ST18: variants seen among roughly 807,000 people sequenced by gnomAD.
The protein encoded by ST18 is suppression of tumorigenicity 18 protein.
ST18 carries 50 observed loss-of-function variants against 110.0 expected under a neutral mutation model. The ratio of observed to expected loss-of-function variants is 0.45; its 90% confidence interval spans 0.36 to 0.58. ST18 has a LOEUF of 0.58. Ranked by LOEUF, ST18 falls within the 20% of genes least tolerant of loss-of-function variation. ST18 has a pLI of 0.00. For missense variants in ST18, 1,306 were observed against 1,280.1 expected, an observed-to-expected ratio of 1.02 and a Z score of -0.31; for synonymous variants, 461 against 452.4, an observed-to-expected ratio of 1.02 and a Z score of -0.24.
chr8:52,405,616 G>C (rs1159755458), intron 2 of ST18: 1 of 152,038 alleles, frequency 6.6e-6, no homozygotes, highest in East Asian at 1.9e-4. Context: ...AATAACACAA[G>C]GATTATTCAA....
chr8:52,381,251 C>A (rs1834404870), intron 2 of ST18, among the ~76,000 whole-genome samples: 1 of 152,138 alleles, frequency 6.6e-6, no homozygotes, highest in Admixed American at 6.6e-5. Flanking sequence ...ATACTTAGCT[C>A]CTATCCAGTG....
At chr8:52,194,227 G>C (rs764784342) in intron 8 of ST18, 17 of 152,234 alleles carry the variant, frequency 1.1e-4, no homozygotes, top group African/African-American at 3.6e-4. Flanking sequence ...CCTCTGAATC[G>C]TGAGGTAATA....
intron 2 of ST18, among the ~76,000 whole-genome samples, chr8:52,236,140 A>G (rs2092630602): frequency 6.6e-6 from 1 of 152,212 alleles, no homozygotes; most frequent in Non-Finnish European, 1.5e-5. Context: ...CATGAATCAG[A>G]GGAGGCTTCC....
intron 17 of ST18, 66 bp from the exon 18 acceptor site, chr8:52,137,549 T>G: frequency 6.5e-7 from 1 of 1,538,044 alleles, no homozygotes. Flanking sequence ...CTCTGCCCAG[T>G]AGATTACGGA....
At chr8:52,330,920 A>G (rs1238898388) in intron 2 of ST18, among the ~76,000 whole-genome samples, 2 of 152,166 alleles carry the variant, frequency 1.3e-5, no homozygotes, top group Non-Finnish European at 2.9e-5. Context: ...AGAAAAAGAG[A>G]GCCACAGAGA....
At chr8:52,150,753 CG>C (rs1268131795) in intron 15 of ST18, 2 of 152,198 alleles carry the variant, frequency 1.3e-5, no homozygotes, top group Non-Finnish European at 2.9e-5. Context: ...CTAAATCCAC[CG>C]CACAATATTT....
chr8:52,165,510 C>T (rs2062687723), intron 11 of ST18, among the ~76,000 whole-genome samples: 2 of 152,212 alleles, frequency 1.3e-5, no homozygotes, highest in African/African-American at 4.8e-5. Flanking sequence ...TTGTAACCTT[C>T]CCATCACCTG....
Position 52,142,959 on chromosome 8 carries a change from A to T in ST18, c.2139T>A (p.His713Gln). 6.2e-7 allele frequency: 1 copy of T among 1,614,086 alleles called. No individual in the cohort carries two copies. The highest frequency in any genetic ancestry group is 8.5e-7 in the Non-Finnish European group (1 of 1,179,952). The change falls in exon 17 of 26, where the codon CAT becomes CAA. Residue 713 changes from histidine (H) to glutamine (Q), a missense_variant. Transcript: ENST00000689386. Reference protein sequence around the residue: ...ASIPSPKPKLHARDLKKELIT... With the variant: ...ASIPSPKPKLQARDLKKELIT... ...TTAGTTCCTTTTTGAGATCTCTTGC[A>T]TGAAGCTTGGGTTTAGGGCTTGGTA...
chr8:52,365,696 T>TG (rs35511476), intron 2 of ST18, among the ~76,000 whole-genome samples: 1 of 148,770 alleles, frequency 6.7e-6, no homozygotes, highest in African/African-American at 2.5e-5. Context: ...ATTTTGGGTT[T>TG]GGGGGGTGGG....
chr8:52,311,367 A>T (rs1439984766), intron 2 of ST18, among the ~76,000 whole-genome samples: 1 of 152,134 alleles, frequency 6.6e-6, no homozygotes, highest in Non-Finnish European at 1.5e-5. Context: ...TGCTCCTAGC[A>T]GCTCCTAAGA....
intron 8 of ST18, among the ~76,000 whole-genome samples, chr8:52,197,821 C>T (rs1325069055): frequency 6.6e-6 from 1 of 151,850 alleles, no homozygotes; most frequent in Non-Finnish European, 1.5e-5. Context: ...CTCAGAGAAA[C>T]AGCCTAGAGG....
chr8:52,200,775 T>G (rs749254179), intron 8 of ST18, among the ~76,000 whole-genome samples: 1 of 152,150 alleles, frequency 6.6e-6, no homozygotes, highest in South Asian at 2.1e-4. Flanking sequence ...AGATCAGACA[T>G]AGAGTCTGAA....
chr8:52,137,526 C>T, intron 17 of ST18, 43 bp from the exon 18 acceptor site: 1 of 1,603,722 alleles, frequency 6.2e-7, no homozygotes. Flanking sequence ...AGCGCATTTC[C>T]CAGGTTCATT....
At chr8:52,253,575 T>A (rs932242090) in intron 2 of ST18, among the ~76,000 whole-genome samples, 1 of 152,146 alleles carries the variant, frequency 6.6e-6, no homozygotes, top group African/African-American at 2.4e-5. Flanking sequence ...CAAACTCTTT[T>A]CCTTATGTAT....
chr8:52,142,777 T>C (rs1481864414), intron 17 of ST18, among the ~76,000 whole-genome samples, 153 bp downstream of exon 17: 4 of 152,218 alleles, frequency 2.6e-5, no homozygotes, highest in Admixed American at 2.6e-4. Context: ...TACACCCTCT[T>C]AGCTCAGGTT....
At chr8:52,156,253 A>T (rs2132858436) in intron 15 of ST18, among the ~76,000 whole-genome samples, 1 of 152,264 alleles carries the variant, frequency 6.6e-6, no homozygotes, top group South Asian at 2.1e-4. Flanking sequence ...GCACTTAGAG[A>T]CCTTTGGTTG....
At chr8:52,129,145 C>T (rs920994785) in intron 22 of ST18, among the ~76,000 whole-genome samples, 3 of 152,036 alleles carry the variant, frequency 2.0e-5, no homozygotes, top group Admixed American at 6.6e-5. Flanking sequence ...CAGGCATAAG[C>T]GAGGCGTTTT....
At chr8:52,409,476 G>A (rs1162962126) in intron 1 of ST18, 24 bp from the exon 2 acceptor site, 5 of 152,138 alleles carry the variant, frequency 3.3e-5, no homozygotes, top group African/African-American at 7.2e-5. Flanking sequence ...AAAATATGAT[G>A]TGAAAATTAT....
chr8:52,408,396 T>C (rs1437534679), intron 2 of ST18, among the ~76,000 whole-genome samples: 1 of 152,258 alleles, frequency 6.6e-6, no homozygotes, highest in Non-Finnish European at 1.5e-5. Flanking sequence ...TCTTCCTGAC[T>C]GGAACACCAC....
Sources: gnomAD v4.1 joint callset for allele counts (sites outside exome capture counted in the v4.1 genomes callset) on GRCh38, gnomAD v4.1.1 for gene constraint, MANE v1.5 for transcripts, NCBI Gene and HGNC (gene_info 2026-07-23, HGNC 2026-07-21) for gene names.